RNF216: variants seen among roughly 807,000 people sequenced by gnomAD.
RNF216 encodes the protein E3 ubiquitin-protein ligase RNF216.
In RNF216, 72 loss-of-function variants were observed where a neutral mutation model predicts 110.8. That is an observed-to-expected ratio of 0.65 (90% CI 0.54 to 0.79). The LOEUF is 0.79. Ranked by LOEUF, RNF216 falls within the 30% of genes least tolerant of loss-of-function variation. The pLI is 0.00. For synonymous variants in RNF216, 495 were observed against 407.5 expected (o/e 1.21, Z -2.59); for missense variants, 1,342 against 1,141.2 (o/e 1.18, Z -2.54).
chr7:5,656,458 C>T (rs1394750244), intron 13 of RNF216, among the ~76,000 whole-genome samples: 4 of 152,156 alleles, frequency 2.6e-5, no homozygotes, highest in East Asian at 1.9e-4. Context: ...GGCCATCGCG[C>T]GGGACCACAC....
At chr7:5,703,351 C>T (rs1041925534) in intron 13 of RNF216, among the ~76,000 whole-genome samples, 2 of 152,126 alleles carry the variant, frequency 1.3e-5, no homozygotes, top group African/African-American at 4.8e-5. Context: ...CTGGCTGGGC[C>T]CCAAATTAGA....
At chr7:5,664,372 A>G (rs1339459500) in intron 13 of RNF216, among the ~76,000 whole-genome samples, 1 of 152,156 alleles carries the variant, frequency 6.6e-6, no homozygotes, top group Non-Finnish European at 1.5e-5. Flanking sequence ...TCTTTCCCCA[A>G]TTTAATGAGT....
rs111244673 is a variant in RNF216, at chr7:5,686,913, G to A, written c.2061+24848C>T. Among the ~76,000 whole-genome samples the A allele has an allele frequency of 5.6e-3, 860 of 152,282 alleles. 9 individuals are homozygous for A. The highest frequency in any genetic ancestry group is 0.02 in the African/African-American group (814 of 41,566). On this transcript the variant is annotated intron_variant, in intron 13 of 16. Transcript: ENST00000389902. Reference sequence around the variant, plus strand: ...GAGACTCTAATGCTGCTGCTGATCTGACAGGAGGCAGAGCTCAGGTCGTAA... The same window carrying A: ...GAGACTCTAATGCTGCTGCTGATCTAACAGGAGGCAGAGCTCAGGTCGTAA...
intron 3 of RNF216, among the ~76,000 whole-genome samples, chr7:5,745,159 A>G (rs973727837): frequency 5.3e-5 from 8 of 152,148 alleles, no homozygotes; most frequent in African/African-American, 1.9e-4. Flanking sequence ...TTACTACTAC[A>G]TTACAATGCC....
rs116391645 is a variant in RNF216, at chr7:5,712,943, T to C, written c.1834-80A>G. 3.0e-3 allele frequency: 3,947 copies of C among 1,298,318 alleles called. 87 individuals carry two copies. In the African/African-American group the frequency reaches 0.05, roughly 16 times the overall value. 80.4% of individuals were successfully genotyped at this position (1,298,318 alleles called of 1,614,324 possible). A position where few individuals can be genotyped will look rare whatever the true frequency, so the allele number is the denominator to read the frequency against. On this transcript the variant is annotated intron_variant, in intron 11 of 16. Coordinates refer to ENST00000389902, the MANE Select transcript of RNF216 (RefSeq NM_207111.4). ...TAAAAAGCGTCAGTGGTTAAAAACATAGATCCTGAGACAACATAGCAAGGA... is the reference window on the plus strand; with the variant it reads ...TAAAAAGCGTCAGTGGTTAAAAACACAGATCCTGAGACAACATAGCAAGGA...
chr7:5,635,653 G>A (rs759243070), intron 15 of RNF216, among the ~76,000 whole-genome samples: 1 of 152,170 alleles, frequency 6.6e-6, no homozygotes, highest in Non-Finnish European at 1.5e-5. Flanking sequence ...CTGGCCTGAG[G>A]GGAGAAGGCA....
intron 1 of RNF216, among the ~76,000 whole-genome samples, chr7:5,764,275 C>T (rs1796086873): frequency 6.7e-6 from 1 of 148,626 alleles, no homozygotes; most frequent in African/African-American, 2.5e-5. Flanking sequence ...ACTATACAGG[C>T]TATTGGACAG....
chr7:5,759,622 T>G, intron 2 of RNF216, among the ~76,000 whole-genome samples: 1 of 79,284 alleles, frequency 1.3e-5, no homozygotes, highest in African/African-American at 5.2e-5. Context: ...TTTGGTGGAG[T>G]CATTTTTCTT....
chr7:5,780,953 G>C (rs1405515780), intron 1 of RNF216, among the ~76,000 whole-genome samples: 10 of 152,196 alleles, frequency 6.6e-5, no homozygotes, highest in Non-Finnish European at 1.5e-4. Flanking sequence ...GGCCTCGCTC[G>C]CTGCCCAGCG....
At chr7:5,677,002 C>G (rs1006592966) in intron 13 of RNF216, among the ~76,000 whole-genome samples, 1 of 152,206 alleles carries the variant, frequency 6.6e-6, no homozygotes, top group Non-Finnish European at 1.5e-5. Context: ...CCAAAACCCA[C>G]CAACCACATG....
Position 5,629,205 on chromosome 7 carries a change from A to T in RNF216, c.2383-5080T>A, listed in dbSNP as rs1332532696. On this transcript the variant is annotated intron_variant, in intron 15 of 16. Coordinates refer to ENST00000389902, the MANE Select transcript of RNF216 (RefSeq NM_207111.4). ...GCAAGACTCTGTCTCAAAAAAAAAA[A>T]AAAAAAAGTGAAGACAATTCCAGTG... Among the ~76,000 whole-genome samples, 4 of 151,734 alleles carry T rather than the reference A, an allele frequency of 2.6e-5. No individual in the cohort carries two copies. In the East Asian group the frequency reaches 7.7e-4, roughly 29 times the overall value.
At chr7:5,739,141 T>C (rs1026806862) in intron 5 of RNF216, 135 bp downstream of exon 5, 30 of 1,048,390 alleles carry the variant, frequency 2.9e-5, no homozygotes, top group African/African-American at 9.8e-5. Context: ...ATGGTGGTGA[T>C]AGTTGCATAA....
chr7:5,633,189 G>A (rs999616979), intron 15 of RNF216, among the ~76,000 whole-genome samples: 1 of 151,922 alleles, frequency 6.6e-6, no homozygotes, highest in Non-Finnish European at 1.5e-5. Flanking sequence ...ATATTGGCCA[G>A]GCTGGTCTCG....
intron 14 of RNF216, among the ~76,000 whole-genome samples, chr7:5,646,509 C>T (rs184226936): frequency 2.4e-4 from 37 of 151,920 alleles, no homozygotes; most frequent in Admixed American, 1.2e-3. Flanking sequence ...CTGGCTAACA[C>T]GGTGAAACCC....
chr7:5,773,787 T>C (rs1796628014), intron 1 of RNF216, among the ~76,000 whole-genome samples: 1 of 152,144 alleles, frequency 6.6e-6, no homozygotes, highest in Non-Finnish European at 1.5e-5. Flanking sequence ...AGGCTGATCT[T>C]GAACTCCTGA....
chr7:5,688,387 A>AGT (rs1791117092), intron 13 of RNF216, among the ~76,000 whole-genome samples: 1 of 152,142 alleles, frequency 6.6e-6, no homozygotes, highest in African/African-American at 2.4e-5. Flanking sequence ...GCCCAGCTAC[A>AGT]CCTCTTTTCT....
intron 1 of RNF216, among the ~76,000 whole-genome samples, chr7:5,771,999 C>T (rs1796523160): frequency 6.6e-6 from 1 of 152,088 alleles, no homozygotes; most frequent in African/African-American, 2.4e-5. Context: ...TTTGGAAGGC[C>T]GAGGCGGGTG....
intron 13 of RNF216, among the ~76,000 whole-genome samples, chr7:5,685,493 C>T (rs1294092277): frequency 6.6e-6 from 1 of 152,176 alleles, no homozygotes; most frequent in Admixed American, 6.5e-5. Flanking sequence ...GGGATGCACA[C>T]TAAACATTAC....
intron 15 of RNF216, among the ~76,000 whole-genome samples, chr7:5,634,490 AG>A (rs1198305860): frequency 6.6e-6 from 1 of 152,182 alleles, no homozygotes; most frequent in African/African-American, 2.4e-5. Context: ...CCCCAGCAAC[AG>A]GAAGTTGGGG....
Sources: gnomAD v4.1 joint callset for allele counts (sites outside exome capture counted in the v4.1 genomes callset) on GRCh38, gnomAD v4.1.1 for gene constraint, MANE v1.5 for transcripts, NCBI Gene and HGNC (gene_info 2026-07-23, HGNC 2026-07-21) for gene names.